The following TOP6BL variants were observed in gnomAD, a reference collection of about 807,000 sequenced individuals.
The protein encoded by TOP6BL is TOP6B like initiator of meiotic double strand breaks, also known as type 2 DNA topoisomerase 6 subunit B-like.
the TOP6BL span, among the ~76,000 whole-genome samples, chr11:66,749,764 G>A: frequency 2.0e-5 from 3 of 151,920 alleles, no homozygotes; most frequent in Non-Finnish European, 4.4e-5. Flanking sequence ...AGAGATGGAG[G>A]TTTCACCATA....
At chr11:66,770,550 A>C in the TOP6BL span, among the ~76,000 whole-genome samples, 8 of 152,244 alleles carry the variant, frequency 5.3e-5, no homozygotes, top group African/African-American at 1.9e-4. Flanking sequence ...CTAAAAATAC[A>C]AAAATTAGCT....
the TOP6BL span, among the ~76,000 whole-genome samples, chr11:66,815,235 T>C: frequency 6.6e-6 from 1 of 152,160 alleles, no homozygotes; most frequent in Non-Finnish European, 1.5e-5. Flanking sequence ...GCTTTGCTGG[T>C]TTAGTTTTTT....
the TOP6BL span, among the ~76,000 whole-genome samples, chr11:66,798,570 A>T: frequency 6.8e-6 from 1 of 146,922 alleles, no homozygotes; most frequent in Non-Finnish European, 1.5e-5. Flanking sequence ...ATTGCACTCC[A>T]GCTTAGGTGA....
the TOP6BL span, among the ~76,000 whole-genome samples, chr11:66,768,675 T>TG: frequency 2.6e-5 from 4 of 152,032 alleles, no homozygotes; most frequent in Non-Finnish European, 4.4e-5. Flanking sequence ...TTTGTTTTTT[T>TG]TTTTTTTTGC....
chr11:66,807,352 A>T, the TOP6BL span, among the ~76,000 whole-genome samples: 16 of 152,148 alleles, frequency 1.1e-4, no homozygotes, highest in Non-Finnish European at 2.1e-4. Context: ...TGGATGGATC[A>T]CCTGAGGTCA....
chr11:66,764,875 G>A, the TOP6BL span, among the ~76,000 whole-genome samples: 1 of 151,994 alleles, frequency 6.6e-6, no homozygotes, highest in Non-Finnish European at 1.5e-5. Flanking sequence ...GGCTGAGGCA[G>A]GAGATCCATT....
the TOP6BL span, among the ~76,000 whole-genome samples, chr11:66,823,507 T>C: frequency 6.6e-6 from 1 of 152,136 alleles, no homozygotes; most frequent in Non-Finnish European, 1.5e-5. Context: ...CTGCTTTCTT[T>C]AGGTCACACA....
At chr11:66,786,367 A>G in the TOP6BL span, among the ~76,000 whole-genome samples, 1 of 151,978 alleles carries the variant, frequency 6.6e-6, no homozygotes, top group African/African-American at 2.4e-5. Context: ...ATTTAAAAAT[A>G]TTTGTATTAT....
the TOP6BL span, chr11:66,816,255 G>T: frequency 1.3e-6 from 2 of 1,532,162 alleles, no homozygotes; most frequent in South Asian, 1.3e-5. Flanking sequence ...TAAGAGAGAG[G>T]GAAACTTTGT....
At chr11:66,840,998 G>A in the TOP6BL span, among the ~76,000 whole-genome samples, 2 of 151,938 alleles carry the variant, frequency 1.3e-5, no homozygotes, top group Admixed American at 6.6e-5. Flanking sequence ...CCTCGTGGAG[G>A]TCCCATTGGT....
the TOP6BL span, among the ~76,000 whole-genome samples, chr11:66,770,923 T>C: frequency 1.4e-4 from 22 of 152,138 alleles, no homozygotes; most frequent in Non-Finnish European, 2.8e-4. Context: ...TATTTTTTCA[T>C]TCTTATTTCC....
the TOP6BL span, among the ~76,000 whole-genome samples, chr11:66,747,394 ATT>A: frequency 3.9e-3 from 560 of 141,808 alleles, 1 homozygote; most frequent in African/African-American, 0.014. Context: ...TTTTTATTTA[ATT>A]TTTTTTTTTT....
chr11:66,791,818 ATTTTT>A, the TOP6BL span, among the ~76,000 whole-genome samples: 1 of 138,182 alleles, frequency 7.2e-6, no homozygotes. Flanking sequence ...CTTTCTAATA[ATTTTT>A]TTTTTTTTTT....
At chr11:66,795,173 A>G in the TOP6BL span, among the ~76,000 whole-genome samples, 5 of 152,064 alleles carry the variant, frequency 3.3e-5, no homozygotes, top group Admixed American at 2.0e-4. Flanking sequence ...AAGAGATTGT[A>G]ATACCTACCT....
the TOP6BL span, among the ~76,000 whole-genome samples, chr11:66,778,176 A>G: frequency 6.6e-6 from 1 of 151,040 alleles, no homozygotes; most frequent in Admixed American, 6.6e-5. Context: ...TGCTGGGATT[A>G]CAGACTTGAG....
the TOP6BL span, among the ~76,000 whole-genome samples, chr11:66,820,005 G>A: frequency 3.3e-5 from 5 of 152,008 alleles, no homozygotes; most frequent in South Asian, 2.1e-4. Flanking sequence ...CTTGAGCCCC[G>A]GTGGTCGAGG....
At chr11:66,826,605 G>A in the TOP6BL span, among the ~76,000 whole-genome samples, 1 of 152,160 alleles carries the variant, frequency 6.6e-6, no homozygotes, top group African/African-American at 2.4e-5. Flanking sequence ...GAATTCTAAG[G>A]TATCCATTAA....
At chr11:66,792,658 C>G in the TOP6BL span, among the ~76,000 whole-genome samples, 1 of 152,196 alleles carries the variant, frequency 6.6e-6, no homozygotes, top group South Asian at 2.1e-4. Context: ...TATTGAGTCT[C>G]ATTATCCTCT....
chr11:66,807,644 A>G, the TOP6BL span, among the ~76,000 whole-genome samples: 1 of 152,314 alleles, frequency 6.6e-6, no homozygotes, highest in Admixed American at 6.5e-5. Flanking sequence ...TTTCTGTGCC[A>G]TGATTTAGGA....
Sources: allele counts gnomAD v4.1 joint callset (sites outside exome capture counted in the v4.1 genomes callset), GRCh38; gene constraint gnomAD v4.1.1; transcripts MANE v1.5; gene names NCBI Gene and HGNC (gene_info 2026-07-23, HGNC 2026-07-21).